Variants in THOC2 observed in about 807,000 individuals in gnomAD.
THOC2 encodes the protein THO complex subunit 2.
A neutral mutation model predicts 128.4 loss-of-function variants in THOC2; 10 were observed. The observed-to-expected ratio is 0.08, with a 90% CI of 0.05 to 0.13. The LOEUF is 0.13. THOC2 is among the 10% of genes least tolerant of loss of function. THOC2 has a pLI of 1.00. For missense variants in THOC2, 535 were observed against 1,155.7 expected (o/e 0.46, Z 7.79); for synonymous variants, 393 against 396.9 (o/e 0.99, Z 0.12).
At chrX:123,690,944 G>A (rs2050196305) in intron 7 of THOC2, among the ~76,000 whole-genome samples, 1 of 112,389 alleles carries the variant, frequency 8.9e-6, no homozygotes, top group Admixed American at 9.4e-5. Flanking sequence ...AGGCATGGTG[G>A]CTCACGCCTG....
rs754482060 is a variant in THOC2, at chrX:123,648,601, G to A, written c.1387-3226C>T. The stretch of plus-strand genomic sequence containing the variant: ...GCTGCCAGCACAGCAGTCTGAAGTC[G>A]ACCTGGGACGCTGGAGCTCAGCGGG... On this transcript the variant is annotated intron_variant, in intron 12 of 38. Coordinates refer to ENST00000245838, the MANE Select transcript of THOC2 (RefSeq NM_001081550.2). Among the ~76,000 whole-genome samples, 19 of 112,463 alleles carry A rather than the reference G, an allele frequency of 1.7e-4. No individual in the cohort carries two copies. In the East Asian group the frequency reaches 5.1e-3, roughly 30 times the overall value.
At chrX:123,634,741 A>G (rs922034951) in intron 19 of THOC2, among the ~76,000 whole-genome samples, 1 of 111,635 alleles carries the variant, frequency 9.0e-6, no homozygotes, top group African/African-American at 3.3e-5. Context: ...TAGCATGGTC[A>G]CATACACTTG....
At chrX:123,630,902 G>T (rs969507955) in intron 22 of THOC2, among the ~76,000 whole-genome samples, 1 of 112,138 alleles carries the variant, frequency 8.9e-6, no homozygotes, top group Non-Finnish European at 1.9e-5. Context: ...TGGCTATACA[G>T]CCACTTTCAT....
intron 8 of THOC2, among the ~76,000 whole-genome samples, chrX:123,679,039 T>A (rs886879117): frequency 9.0e-5 from 10 of 110,910 alleles, no homozygotes; most frequent in Non-Finnish European, 1.5e-4. Context: ...AATTCTCACC[T>A]CTCTCCCCTG....
At chrX:123,606,142 A>G (rs2046459441) in intron 38 of THOC2, among the ~76,000 whole-genome samples, 1 of 110,552 alleles carries the variant, frequency 9.0e-6, no homozygotes, top group Non-Finnish European at 1.9e-5. Context: ...GTGTGAGGTT[A>G]AGAAGGTGCA....
chrX:123,679,226 A>G (rs1183025995), intron 8 of THOC2, among the ~76,000 whole-genome samples: 1 of 110,771 alleles, frequency 9.0e-6, no homozygotes, highest in East Asian at 2.8e-4. Context: ...CTCCAATTCT[A>G]CTCTTTCCAT....
chrX:123,694,863 C>T (rs2050388284), intron 7 of THOC2, among the ~76,000 whole-genome samples: 1 of 111,979 alleles, frequency 8.9e-6, no homozygotes, highest in Admixed American at 9.5e-5. Context: ...CACAGTGGCT[C>T]ATGCCTGTAA....
chrX:123,682,924 T>C (rs894047504), intron 8 of THOC2, among the ~76,000 whole-genome samples: 1 of 111,163 alleles, frequency 9.0e-6, no homozygotes, highest in Non-Finnish European at 1.9e-5. Flanking sequence ...CTCCTCTTCC[T>C]TTCCTGTAAC....
At chrX:123,678,570 G>A (rs895936226) in intron 8 of THOC2, among the ~76,000 whole-genome samples, 2 of 110,388 alleles carry the variant, frequency 1.8e-5, no homozygotes, top group African/African-American at 3.3e-5. Context: ...CCTGGCCCAC[G>A]TTTTCAAACT....
At chrX:123,687,764 C>A (rs1197671991) in intron 7 of THOC2, among the ~76,000 whole-genome samples, 1 of 111,809 alleles carries the variant, frequency 8.9e-6, no homozygotes, top group African/African-American at 3.2e-5. Context: ...CAAGTTTTCC[C>A]TCTTTTTATG....
rs1187457240 is a variant in THOC2 at position 123,623,254 on chromosome X, G to T, written c.3533C>A (p.Ser1178Ter). 1 of 1,205,262 alleles carries T rather than the reference G, an allele frequency of 8.3e-7. No homozygotes were observed. Among genetic ancestry groups the T allele is most frequent in the Admixed American group, 2.2e-5 (1 of 45,015 alleles). Reference sequence around the variant, plus strand: ...AAACTCATTTTCAGGTATCATGTATGACTTTCTACTTTTCAACTGCCCAGA... The same window carrying T: ...AAACTCATTTTCAGGTATCATGTATTACTTTCTACTTTTCAACTGCCCAGA... ...GYSGQLKSRK[S>*]YMIPENEFHH... The change falls in exon 29 of 39, where the codon TCA becomes TAA. Residue 1178 changes from serine to a stop codon, truncating the protein, a stop_gained. Transcript: ENST00000245838. LOFTEE classifies it high-confidence loss of function.
At chrX:123,604,757 T>G (rs1268019717) in intron 38 of THOC2, among the ~76,000 whole-genome samples, 1 of 111,819 alleles carries the variant, frequency 8.9e-6, no homozygotes, top group Non-Finnish European at 1.9e-5. Context: ...ACCAAACAAT[T>G]TTTAAGAGAA....
intron 12 of THOC2, among the ~76,000 whole-genome samples, chrX:123,660,952 A>G (rs1203273982): frequency 4.5e-5 from 5 of 112,144 alleles, no homozygotes; most frequent in East Asian, 2.8e-4. Flanking sequence ...AATGTGGTGT[A>G]TATATATATA....
At chrX:123,706,429 G>A (rs2050930666) in intron 3 of THOC2, among the ~76,000 whole-genome samples, 1 of 109,669 alleles carries the variant, frequency 9.1e-6, no homozygotes, top group South Asian at 3.9e-4. Flanking sequence ...GTGCAGGTTT[G>A]TTACATATGT....
intron 1 of THOC2, among the ~76,000 whole-genome samples, chrX:123,727,375 C>G (rs1349314024): frequency 9.0e-6 from 1 of 111,620 alleles, no homozygotes; most frequent in Non-Finnish European, 1.9e-5. Flanking sequence ...ACCAAGGATT[C>G]TTAAAGAAAC....
intron 1 of THOC2, among the ~76,000 whole-genome samples, chrX:123,715,929 A>G (rs1192796055): frequency 8.9e-6 from 1 of 111,945 alleles, no homozygotes; most frequent in East Asian, 2.8e-4. Context: ...GAAACAAAAG[A>G]GAAAACATTA....
intron 2 of THOC2, among the ~76,000 whole-genome samples, chrX:123,711,601 TG>T (rs2051195536): frequency 9.1e-6 from 1 of 110,383 alleles, no homozygotes; most frequent in Non-Finnish European, 1.9e-5. Context: ...CTGACCAACA[TG>T]GTGAAACCCC....
intron 1 of THOC2, among the ~76,000 whole-genome samples, chrX:123,730,602 A>AAC (rs2052202218): frequency 1.8e-5 from 2 of 112,044 alleles, no homozygotes; most frequent in Admixed American, 9.5e-5. Flanking sequence ...CTCCTACATC[A>AAC]CTTTTTCTCA....
At chrX:123,639,925 C>T (rs1000124839) in intron 16 of THOC2, among the ~76,000 whole-genome samples, 1 of 112,100 alleles carries the variant, frequency 8.9e-6, no homozygotes, top group African/African-American at 3.2e-5. Context: ...GTGGCTCACG[C>T]CTATAATCCT....
Sources: gnomAD v4.1 joint callset for allele counts (sites outside exome capture counted in the v4.1 genomes callset) on GRCh38, gnomAD v4.1.1 for gene constraint, MANE v1.5 for transcripts, NCBI Gene and HGNC (gene_info 2026-07-23, HGNC 2026-07-21) for gene names.